FCHO2: variants seen among roughly 807,000 people sequenced by gnomAD.
FCHO2 encodes FCH and mu domain containing endocytic adaptor 2.
A neutral mutation model predicts 114.1 loss-of-function variants in FCHO2; 43 were observed. The ratio of observed to expected loss-of-function variants is 0.38; its 90% CI spans 0.30 to 0.49. The LOEUF (loss-of-function observed/expected upper bound fraction) is 0.49. Ranked by LOEUF, FCHO2 falls within the 20% of genes least tolerant of loss-of-function variation. The probability of loss-of-function intolerance (pLI) is 0.97; values close to 1 mark genes in which losing one functional copy is unlikely to be tolerated. For missense variants in FCHO2, 807 were observed against 950.4 expected (o/e 0.85, Z 1.98); for synonymous variants, 293 against 315.2 (o/e 0.93, Z 0.75).
At chr5:73,002,722 C>T (rs1310232453) in intron 5 of FCHO2, among the ~76,000 whole-genome samples, 1 of 152,170 alleles carries the variant, frequency 6.6e-6, no homozygotes, top group East Asian at 1.9e-4. Context: ...CCTAGCCTAT[C>T]ACCACGCTGG....
At chr5:73,081,727 C>A in intron 22 of FCHO2, 56 bp from the exon 23 acceptor site, 1 of 1,299,022 alleles carries the variant, frequency 7.7e-7, no homozygotes. Context: ...ATGTCATTAA[C>A]ATGACTTCTT....
intron 2 of FCHO2, among the ~76,000 whole-genome samples, chr5:72,975,818 T>G (rs534035083): frequency 1.3e-5 from 2 of 152,224 alleles, no homozygotes; most frequent in East Asian, 3.9e-4. Flanking sequence ...CTCATTTCAT[T>G]TTAGTGCTGA....
intron 2 of FCHO2, among the ~76,000 whole-genome samples, chr5:72,984,798 A>C (rs950578585): frequency 6.6e-6 from 1 of 151,822 alleles, no homozygotes; most frequent in Non-Finnish European, 1.5e-5. Context: ...ATGCCCAGCT[A>C]ATTTTTGTAT....
Position 73,078,290 on chromosome 5 carries a change from A to G in FCHO2, c.1958A>G (p.Asn653Ser). Residue 653 changes from asparagine to serine, a missense_variant, in exon 22 of 26, where the codon AAT becomes AGT. Coordinates refer to ENST00000430046, the MANE Select transcript of FCHO2 (RefSeq NM_138782.3). ...CAAAATCCAGCTGCTTCTTATTATAATGTAGATGTATTAAAGTATCAGGTG... is the reference window on the plus strand; with the variant it reads ...CAAAATCCAGCTGCTTCTTATTATAGTGTAGATGTATTAAAGTATCAGGTG... Reference protein sequence around the residue: ...SEQNPAASYYNVDVLKYQVSS... With the variant: ...SEQNPAASYYSVDVLKYQVSS... 1 of 1,602,134 alleles carries G rather than the reference A, an allele frequency of 6.2e-7. No homozygotes were observed. The highest frequency in any genetic ancestry group is 8.5e-7 in the Non-Finnish European group (1 of 1,174,758).
chr5:73,007,379 C>CT (rs1754773339), intron 6 of FCHO2, among the ~76,000 whole-genome samples: 1 of 152,126 alleles, frequency 6.6e-6, no homozygotes, highest in Non-Finnish European at 1.5e-5. Context: ...CACATGAGTT[C>CT]TTTTACCTAT....
rs369496612 is a variant in FCHO2, at chr5:73,036,037, G to C, written c.842-1106G>C. 2.2e-4 allele frequency among the ~76,000 whole-genome samples: 34 copies of C among 152,052 alleles called. 1 individual carries two copies. The South Asian group carries it at 6.9e-3, about 31-fold the overall frequency. The stretch of plus-strand genomic sequence containing the variant: ...TTTTGTGTGTTTTTAGTAGAAACGG[G>C]GTTTCACCATGTTGGCCAGGCTGGT... On this transcript the variant is annotated intron_variant, in intron 9 of 25. Coordinates refer to ENST00000430046, the MANE Select transcript of FCHO2 (RefSeq NM_138782.3).
chr5:73,016,742 T>A (rs558696638), intron 7 of FCHO2, among the ~76,000 whole-genome samples: 6 of 151,842 alleles, frequency 4.0e-5, no homozygotes, highest in South Asian at 4.2e-4. Flanking sequence ...GTTTAAATAT[T>A]AAAAAATTTT....
chr5:73,059,543 G>A (rs980295246), intron 17 of FCHO2, among the ~76,000 whole-genome samples: 1 of 150,132 alleles, frequency 6.7e-6, no homozygotes, highest in African/African-American at 2.5e-5. Flanking sequence ...AAGCCATGTT[G>A]AAATATCTTA....
At position 72,990,636 on chromosome 5, in the gene FCHO2, T is replaced by C; in HGVS notation, c.342+17T>C. On this transcript the variant is annotated intron_variant, in intron 4 of 25. Coordinates refer to ENST00000430046, the MANE Select transcript of FCHO2 (RefSeq NM_138782.3). The stretch of plus-strand genomic sequence containing the variant: ...CATAAAAAGGTATCAGTTTTTTTCT[T>C]GTTAAATAATTGATTGGTCAGATAT... The C allele has an allele frequency of 6.5e-7, 1 of 1,527,468 alleles. No homozygotes were observed. The allele number at this position is 1,527,468 out of a possible 1,614,324, so 94.6% of individuals were successfully genotyped here.
chr5:72,962,103 T>A (rs1260084010), intron 1 of FCHO2, among the ~76,000 whole-genome samples: 7 of 152,190 alleles, frequency 4.6e-5, no homozygotes, highest in Non-Finnish European at 1.0e-4. Context: ...GTGTTTTAGA[T>A]TGCACTAAAA....
chr5:73,078,790 T>G (rs1742999023), intron 22 of FCHO2, among the ~76,000 whole-genome samples: 1 of 152,194 alleles, frequency 6.6e-6, no homozygotes, highest in Non-Finnish European at 1.5e-5. Flanking sequence ...GAAGAACTAT[T>G]TGACATAAGG....
chr5:73,018,763 T>C (rs1192444456), intron 8 of FCHO2, among the ~76,000 whole-genome samples: 2 of 152,228 alleles, frequency 1.3e-5, no homozygotes, highest in Non-Finnish European at 2.9e-5. Context: ...GAAGAATTTC[T>C]CATTCATTTA....
chr5:73,056,753 T>G (rs565944111), intron 16 of FCHO2, among the ~76,000 whole-genome samples: 4 of 152,304 alleles, frequency 2.6e-5, no homozygotes, highest in African/African-American at 9.6e-5. Flanking sequence ...ATTTTCTCAT[T>G]TCTTCCTTCA....
rs1561502577 is a variant in FCHO2, at chr5:73,089,363, CAGAA to C, written c.*1274_*1277del. 1 of 152,018 alleles carries C rather than the reference CAGAA, an allele frequency of 6.6e-6. No homozygotes were observed. Among genetic ancestry groups the C allele is most frequent in the Admixed American group, 6.6e-5 (1 of 15,262 alleles). 9.4% of individuals were successfully genotyped at this position (152,018 alleles called of 1,614,324 possible). A position where few individuals can be genotyped will look rare whatever the true frequency, so the allele number is the denominator to read the frequency against. ...TTTTTTAAAAGATTAATTTTGGAAACAGAAGGAGAAGCACTGCCATTTGTTTTTA... is the reference window on the plus strand; with the variant it reads ...TTTTTTAAAAGATTAATTTTGGAAACGGAGAAGCACTGCCATTTGTTTTTA... On this transcript the variant is annotated 3_prime_UTR_variant, in exon 26 of 26. Transcript: ENST00000430046.
chr5:72,968,654 A>G, intron 2 of FCHO2, 65 bp downstream of exon 2: 3 of 1,125,442 alleles, frequency 2.7e-6, no homozygotes, highest in Non-Finnish European at 2.5e-6. Context: ...TTAGAATATA[A>G]ATAATGGAGA....
At chr5:73,056,194 C>G (rs1757585306) in intron 16 of FCHO2, 87 bp downstream of exon 16, 2 of 1,034,988 alleles carry the variant, frequency 1.9e-6, no homozygotes, top group Non-Finnish European at 2.8e-6. Flanking sequence ...ATGGAAAGCA[C>G]AGAGATTTCC....
At chr5:72,957,368 G>A (rs1250740792) in intron 1 of FCHO2, among the ~76,000 whole-genome samples, 1 of 152,102 alleles carries the variant, frequency 6.6e-6, no homozygotes, top group Non-Finnish European at 1.5e-5. Flanking sequence ...AGACCCATTA[G>A]CAGTCACTCC....
At chr5:73,037,836 A>C (rs1756600626) in intron 10 of FCHO2, 3 of 354,200 alleles carry the variant, frequency 8.5e-6, no homozygotes, top group South Asian at 6.1e-5. Flanking sequence ...GGCTTACTGC[A>C]TTCTCCACCT....
chr5:73,074,679 C>G, intron 19 of FCHO2, 63 bp from the exon 20 acceptor site: 1 of 1,389,992 alleles, frequency 7.2e-7, no homozygotes, highest in South Asian at 1.2e-5. Flanking sequence ...GTGAATCTAA[C>G]TATCTTGATA....
Sources: allele counts gnomAD v4.1 joint callset (sites outside exome capture counted in the v4.1 genomes callset), GRCh38; gene constraint gnomAD v4.1.1; transcripts MANE v1.5; gene names NCBI Gene and HGNC (gene_info 2026-07-23, HGNC 2026-07-21).